Variants in RBM27 observed in about 807,000 individuals in gnomAD.
The protein encoded by RBM27 is RNA-binding protein 27.
In RBM27, 22 loss-of-function variants were observed where a neutral mutation model predicts 135.3. The ratio of observed to expected loss-of-function variants is 0.16; its 90% CI spans 0.12 to 0.23. RBM27 has a LOEUF of 0.23. Among genes scored for constraint, RBM27 ranks in the 10% least tolerant of loss-of-function variants. The probability of loss-of-function intolerance (pLI) is 1.00; values close to 1 mark genes in which losing one functional copy is unlikely to be tolerated. For missense variants in RBM27, 1,009 were observed against 1,281.0 expected (o/e 0.79, Z 3.24); for synonymous variants, 481 against 442.4 (o/e 1.09, Z -1.10).
intron 3 of RBM27, among the ~76,000 whole-genome samples, chr5:146,227,751 G>A (rs1756741229): frequency 6.6e-6 from 1 of 151,976 alleles, no homozygotes; most frequent in Non-Finnish European, 1.5e-5. Context: ...AAAAACAAAA[G>A]AATAAAATAA....
At chr5:146,224,171 T>C (rs1382110278) in intron 3 of RBM27, among the ~76,000 whole-genome samples, 1 of 152,158 alleles carries the variant, frequency 6.6e-6, no homozygotes, top group East Asian at 1.9e-4. Context: ...CTTCTCTGTC[T>C]CACTTTGATA....
At chr5:146,239,476 T>C (rs948956774) in intron 8 of RBM27, among the ~76,000 whole-genome samples, 3 of 140,078 alleles carry the variant, frequency 2.1e-5, no homozygotes, top group Non-Finnish European at 1.5e-5. Flanking sequence ...CCTTTTCTTT[T>C]TTTTTTTTTT....
chr5:146,250,205 C>T (rs930293379), intron 8 of RBM27, among the ~76,000 whole-genome samples: 3 of 151,910 alleles, frequency 2.0e-5, no homozygotes, highest in Non-Finnish European at 4.4e-5. Context: ...CTTTGGGAGG[C>T]CGAGACGGGC....
At chr5:146,235,773 G>A (rs150205285) in intron 7 of RBM27, among the ~76,000 whole-genome samples, 1 of 151,530 alleles carries the variant, frequency 6.6e-6, no homozygotes, top group Non-Finnish European at 1.5e-5. Context: ...TGCAACCTCC[G>A]CCTCCCAGGC....
chr5:146,210,293 T>C (rs1472530740), intron 1 of RBM27, among the ~76,000 whole-genome samples: 3 of 152,176 alleles, frequency 2.0e-5, no homozygotes, highest in Admixed American at 6.5e-5. Flanking sequence ...TGTGCATGTA[T>C]TTAGCTAGTG....
intron 1 of RBM27, among the ~76,000 whole-genome samples, chr5:146,207,963 T>TTG (rs1755772605): frequency 6.9e-6 from 1 of 143,968 alleles, no homozygotes; most frequent in African/African-American, 2.6e-5. Context: ...TTTTTTTTTT[T>TTG]TTTTTTTTTT....
Position 146,251,794 on chromosome 5 carries a change from C to G in RBM27, c.1363C>G (p.Arg455Gly). The G allele has an allele frequency of 6.2e-7, 1 of 1,613,740 alleles. No individual in the cohort carries two copies. Residue 455 changes from arginine to glycine, a missense_variant, in exon 9 of 21, where the codon CGT becomes GGT. Around this residue, in one of 6 missense-constraint regions of RBM27, gnomAD observed 329 missense variants for 368.1 expected, o/e 0.89. Transcript: ENST00000265271. ...LGTPPPLLAA[R>G]LVPPRNLMGS... Reference sequence around the variant, plus strand: ...GACACCGCCTCCTCTGTTGGCAGCTCGTTTGGTGCCACCTCGAAACCTCAT... The same window carrying G: ...GACACCGCCTCCTCTGTTGGCAGCTGGTTTGGTGCCACCTCGAAACCTCAT...
chr5:146,257,042 C>T (rs1183281235), intron 10 of RBM27, among the ~76,000 whole-genome samples: 1 of 152,184 alleles, frequency 6.6e-6, no homozygotes, highest in African/African-American at 2.4e-5. Context: ...ACAAGTCCCG[C>T]AAGAGCAAGG....
chr5:146,286,046 G>C lies in RBM27; in HGVS notation c.*16G>C. On this transcript the variant is annotated 3_prime_UTR_variant, in exon 21 of 21. Coordinates refer to ENST00000265271, the MANE Select transcript of RBM27 (RefSeq NM_018989.2). ...GCGAAGATGAAATCTGATGCTAGCT[G>C]TATAATTTTTAGGAATATTGTTTAG... 6.3e-7 allele frequency: 1 copy of C among 1,578,978 alleles called. No individual in the cohort carries two copies. Among genetic ancestry groups the C allele is most frequent in the Non-Finnish European group, 8.6e-7 (1 of 1,163,534 alleles).
chr5:146,263,516 G>A lies in RBM27; in HGVS notation c.2216G>A (p.Gly739Asp), dbSNP rs776527504. 39 of 1,613,814 alleles carry A rather than the reference G, an allele frequency of 2.4e-5. No homozygotes were observed. The highest frequency in any genetic ancestry group is 3.1e-5 in the Non-Finnish European group (37 of 1,179,940). Residue 739 changes from glycine to aspartate, a missense_variant, in exon 14 of 21, where the codon GGT becomes GAT. This residue lies in a region of RBM27 where 355 missense variants were observed against 427.3 expected (regional missense o/e 0.83). Coordinates refer to ENST00000265271, the MANE Select transcript of RBM27 (RefSeq NM_018989.2). Reference protein sequence around the residue: ...QKMMSKPQTSGAYVLNKVPVK... With the variant: ...QKMMSKPQTSDAYVLNKVPVK... ...ATGATGAGCAAACCACAGACATCAG[G>A]TGCATATGTTCTTAACAAAGTTCCT...
At chr5:146,261,429 C>T (rs984841586) in intron 12 of RBM27, 81 bp from the exon 13 acceptor site, 1 of 1,167,290 alleles carries the variant, frequency 8.6e-7, no homozygotes, top group African/African-American at 1.5e-5. Flanking sequence ...TTGGGGAAAA[C>T]ATTCATTACA....
intron 19 of RBM27, among the ~76,000 whole-genome samples, chr5:146,273,965 G>A (rs1758978592): frequency 6.6e-6 from 1 of 152,152 alleles, no homozygotes; most frequent in East Asian, 1.9e-4. Flanking sequence ...GTAAATGTTT[G>A]ACAGTGTTTT....
chr5:146,262,445 G>A lies in RBM27; in HGVS notation c.2190+639G>A, dbSNP rs146452541. Among the ~76,000 whole-genome samples, 107 of 152,242 alleles carry A rather than the reference G, an allele frequency of 7.0e-4. No individual in the cohort carries two copies. The East Asian group carries it at 0.018, about 25-fold the overall frequency. The stretch of plus-strand genomic sequence containing the variant: ...TTCTATCCCTAGTGCCTAAAACAAT[G>A]TCTGGTACATATTGCTCAAAGCATA... On this transcript the variant is annotated intron_variant, in intron 13 of 20. Coordinates refer to ENST00000265271, the MANE Select transcript of RBM27 (RefSeq NM_018989.2).
intron 4 of RBM27, among the ~76,000 whole-genome samples, chr5:146,229,254 A>G (rs1374213134): frequency 7.2e-5 from 11 of 152,068 alleles, no homozygotes; most frequent in Admixed American, 7.2e-4. Flanking sequence ...GTTTTCCCCA[A>G]GAGCTCAGGG....
At chr5:146,261,845 C>A (rs568142017) in intron 13 of RBM27, 39 bp downstream of exon 13, 3 of 1,606,110 alleles carry the variant, frequency 1.9e-6, no homozygotes, top group African/African-American at 2.7e-5. Context: ...CTTTTAGTTA[C>A]ACCCTCTAGA....
chr5:146,252,659 A>G (rs1757943463), intron 9 of RBM27, among the ~76,000 whole-genome samples: 1 of 152,222 alleles, frequency 6.6e-6, no homozygotes, highest in African/African-American at 2.4e-5. Context: ...GTTATATTGC[A>G]TGTAATTTTT....
Position 146,237,490 on chromosome 5 carries a change from A to T in RBM27, c.1279+58A>T. On this transcript the variant is annotated intron_variant, in intron 8 of 20. Transcript: ENST00000265271. ...GGGTATAGAAAAGCCAAGTTGTCTC[A>T]TATCAGTATAACCCTTTAAAAAATG... 4.5e-6 allele frequency: 7 copies of T among 1,546,836 alleles called. No homozygotes were observed. The South Asian group carries it at 7.8e-5, about 17-fold the overall frequency.
At chr5:146,229,128 TACTC>T in intron 4 of RBM27, 91 bp downstream of exon 4, 1 of 857,996 alleles carries the variant, frequency 1.2e-6, no homozygotes, top group Non-Finnish European at 1.9e-6. Flanking sequence ...TATATATACT[TACTC>T]CTCTCTCTGT....
At chr5:146,284,148 G>A (rs181821461) in intron 19 of RBM27, among the ~76,000 whole-genome samples, 139 of 152,334 alleles carry the variant, frequency 9.1e-4, no homozygotes, top group South Asian at 4.3e-3. Context: ...GCTTATTAGT[G>A]TATAGCGTTT....
Sources: gnomAD v4.1 joint callset for allele counts (sites outside exome capture counted in the v4.1 genomes callset) on GRCh38, gnomAD v4.1.1 for gene constraint, gnomAD v4.1.1 regional missense constraint, MANE v1.5 for transcripts, NCBI Gene and HGNC (gene_info 2026-07-23, HGNC 2026-07-21) for gene names.